MECOM: variants seen among roughly 807,000 people sequenced by gnomAD.
MECOM encodes the protein MDS1 and EVI1 complex locus.
In MECOM, 13 loss-of-function variants were observed where a neutral mutation model predicts 116.3. The ratio of observed to expected loss-of-function variants is 0.11; its 90% confidence interval spans 0.07 to 0.18. MECOM has a LOEUF of 0.18. Among genes scored for constraint, MECOM ranks in the 10% least tolerant of loss-of-function variants. MECOM has a pLI of 1.00. For missense variants in MECOM, 1,299 were observed against 1,509.0 expected (o/e 0.86, Z 2.31); for synonymous variants, 528 against 535.2 (o/e 0.99, Z 0.19).
At chr3:169,482,588 C>T (rs1218647764) in intron 1 of MECOM, among the ~76,000 whole-genome samples, 1 of 152,122 alleles carries the variant, frequency 6.6e-6, no homozygotes, top group African/African-American at 2.4e-5. Flanking sequence ...CCCGCCTCGG[C>T]CTCCCAAAGT....
At chr3:169,613,007 T>C (rs929190913) in intron 1 of MECOM, among the ~76,000 whole-genome samples, 1 of 152,220 alleles carries the variant, frequency 6.6e-6, no homozygotes, top group Non-Finnish European at 1.5e-5. Context: ...GAAAGTCCTT[T>C]GACTTTCCCC....
chr3:169,185,337 G>A (rs1746565989), intron 2 of MECOM, among the ~76,000 whole-genome samples: 1 of 152,160 alleles, frequency 6.6e-6, no homozygotes, highest in African/African-American at 2.4e-5. Flanking sequence ...ATGAACCGTG[G>A]TCTAGAAGCC....
chr3:169,342,180 A>C (rs1486055972), intron 2 of MECOM, among the ~76,000 whole-genome samples: 1 of 152,136 alleles, frequency 6.6e-6, no homozygotes, highest in Non-Finnish European at 1.5e-5. Context: ...TTACATATTC[A>C]GCAATTAACC....
In MECOM at chr3:169,146,124, T is replaced by C; in HGVS notation, c.376-2292A>G. ...CACACTCCTGTGTTTTTAAAAGCTGTCAACCTCCAAAGATAGCTTAAAAAA... is the reference window on the plus strand; with the variant it reads ...CACACTCCTGTGTTTTTAAAAGCTGCCAACCTCCAAAGATAGCTTAAAAAA... On this transcript the variant is annotated intron_variant, in intron 2 of 16. Coordinates refer to ENST00000651503, the MANE Select transcript of MECOM (RefSeq NM_004991.4). 2 of 585,932 alleles carry C rather than the reference T, an allele frequency of 3.4e-6. 1 individual carries two copies. The highest frequency in any genetic ancestry group is 1.2e-4 in the South Asian group (2 of 16,846). 36.3% of individuals were successfully genotyped at this position (585,932 alleles called of 1,614,324 possible).
intron 2 of MECOM, among the ~76,000 whole-genome samples, chr3:169,254,757 A>C (rs929535817): frequency 1.3e-5 from 2 of 152,148 alleles, no homozygotes; most frequent in African/African-American, 4.8e-5. Context: ...GAAATGAGAA[A>C]AAATCTGGAA....
chr3:169,461,994 C>T (rs542137285), intron 1 of MECOM, among the ~76,000 whole-genome samples: 45 of 152,058 alleles, frequency 3.0e-4, no homozygotes, highest in Non-Finnish European at 5.9e-4. Context: ...CTTTGTTATC[C>T]CTTTCCAAAT....
intron 1 of MECOM, among the ~76,000 whole-genome samples, chr3:169,405,304 C>T (rs1413751407): frequency 2.0e-5 from 3 of 151,816 alleles, no homozygotes; most frequent in African/African-American, 7.3e-5. Flanking sequence ...CTGAGAGATA[C>T]AACTGCATAA....
chr3:169,403,692 A>G lies in MECOM; in HGVS notation c.38-22168T>C, dbSNP rs189966520. Among the ~76,000 whole-genome samples the G allele has an allele frequency of 1.9e-3, 291 of 152,342 alleles. 2 individuals carry two copies. The highest frequency in any genetic ancestry group is 6.6e-3 in the African/African-American group (273 of 41,580). On this transcript the variant is annotated intron_variant, in intron 1 of 16. Transcript: ENST00000651503. ...GGCTTGTGTTTACCACTTCATAGCC[A>G]TTGAAAGTAAATAAAATAATATGGA... is the stretch of plus-strand genomic sequence containing the variant.
At chr3:169,258,013 G>T in intron 2 of MECOM, among the ~76,000 whole-genome samples, 1 of 152,156 alleles carries the variant, frequency 6.6e-6, no homozygotes, top group East Asian at 1.9e-4. Flanking sequence ...TTTAGGTCAA[G>T]GGTTTGAGAC....
intron 2 of MECOM, among the ~76,000 whole-genome samples, chr3:169,297,625 T>C (rs926988592): frequency 2.0e-5 from 3 of 151,674 alleles, no homozygotes; most frequent in African/African-American, 7.3e-5. Context: ...ATGCTGCTGG[T>C]AATTATTAAA....
intron 2 of MECOM, among the ~76,000 whole-genome samples, chr3:169,212,852 C>T (rs1478629024): frequency 6.6e-6 from 1 of 151,100 alleles, no homozygotes; most frequent in Non-Finnish European, 1.5e-5. Context: ...CCTGCTGTGG[C>T]CTCTTCCTGG....
At chr3:169,644,946 C>T (rs775179521) in intron 1 of MECOM, among the ~76,000 whole-genome samples, 4 of 152,152 alleles carry the variant, frequency 2.6e-5, no homozygotes, top group Non-Finnish European at 5.9e-5. Context: ...TTAGTCCTCT[C>T]TTTGAGTAAA....
intron 1 of MECOM, among the ~76,000 whole-genome samples, chr3:169,640,690 G>T (rs116523496): frequency 6.6e-6 from 1 of 152,124 alleles, no homozygotes; most frequent in Non-Finnish European, 1.5e-5. Flanking sequence ...TTATGAAGTC[G>T]GTGGTCTCAT....
intron 1 of MECOM, among the ~76,000 whole-genome samples, chr3:169,569,570 A>T (rs1763639826): frequency 6.6e-6 from 1 of 152,192 alleles, no homozygotes; most frequent in African/African-American, 2.4e-5. Flanking sequence ...AAAATTGACC[A>T]TGTAATTGGA....
intron 2 of MECOM, among the ~76,000 whole-genome samples, chr3:169,187,507 A>C (rs1216094778): frequency 1.3e-5 from 2 of 152,128 alleles, no homozygotes; most frequent in African/African-American, 4.8e-5. Context: ...AAATGCTACC[A>C]GCTGCTCTGT....
chr3:169,551,124 G>A (rs1214197517), intron 1 of MECOM, among the ~76,000 whole-genome samples: 1 of 152,138 alleles, frequency 6.6e-6, no homozygotes, highest in East Asian at 1.9e-4. Context: ...CTGTGGTGGA[G>A]AGGAAAGCCA....
chr3:169,438,466 T>C (rs1743073548), intron 1 of MECOM, among the ~76,000 whole-genome samples: 1 of 152,138 alleles, frequency 6.6e-6, no homozygotes, highest in Non-Finnish European at 1.5e-5. Context: ...GGGTGTGCTA[T>C]CAATCGAGTT....
At chr3:169,446,971 T>A (rs1168268039) in intron 1 of MECOM, among the ~76,000 whole-genome samples, 1 of 152,236 alleles carries the variant, frequency 6.6e-6, no homozygotes, top group Non-Finnish European at 1.5e-5. Flanking sequence ...TTCAGTTATT[T>A]TTTTCAGTAT....
intron 1 of MECOM, among the ~76,000 whole-genome samples, chr3:169,457,589 C>G (rs1466845173): frequency 6.6e-6 from 1 of 151,980 alleles, no homozygotes; most frequent in East Asian, 1.9e-4. Flanking sequence ...AAAAATGAAC[C>G]ACAATCTTCT....
Sources: gnomAD v4.1 joint callset for allele counts (sites outside exome capture counted in the v4.1 genomes callset) on GRCh38, gnomAD v4.1.1 for gene constraint, MANE v1.5 for transcripts, NCBI Gene and HGNC (gene_info 2026-07-23, HGNC 2026-07-21) for gene names.